TIGAR: variants seen among roughly 807,000 people sequenced by gnomAD.
TIGAR encodes the protein fructose-2,6-bisphosphatase TIGAR.
Under a neutral mutation model 17.9 loss-of-function variants are expected in TIGAR, and 7 were observed. The ratio of observed to expected loss-of-function variants is 0.39; its 90% confidence interval spans 0.22 to 0.73. TIGAR has a LOEUF of 0.73. Ranked by LOEUF, TIGAR falls within the 30% of genes least tolerant of loss-of-function variation. TIGAR has a pLI of 0.42. For synonymous variants in TIGAR, 94 were observed against 108.6 expected (o/e 0.87, Z 0.84); for missense variants, 258 against 327.4 (o/e 0.79, Z 1.64).
chr12:4,346,991 G>A lies in TIGAR; in HGVS notation c.193-2828G>A, dbSNP rs189940165. ...AACCACTGTGAAGAATTGTTTGGAGGGAGGTTCCTCAAAAAACTAAAAATA... is the reference window on the plus strand; with the variant it reads ...AACCACTGTGAAGAATTGTTTGGAGAGAGGTTCCTCAAAAAACTAAAAATA... On this transcript the variant is annotated intron_variant, in intron 3 of 5. Coordinates refer to ENST00000179259, the MANE Select transcript of TIGAR (RefSeq NM_020375.3). Among the ~76,000 whole-genome samples the A allele has an allele frequency of 6.7e-3, 1,025 of 152,208 alleles. 10 individuals carry two copies. The highest frequency in any genetic ancestry group is 0.024 in the African/African-American group (991 of 41,524).
intron 1 of TIGAR, chr12:4,324,835 C>A: frequency 3.7e-6 from 2 of 543,422 alleles, no homozygotes; most frequent in South Asian, 5.1e-5. Context: ...CAGAAAAGTT[C>A]ACTTCCATTT....
At position 4,324,646 on chromosome 12, in the gene TIGAR, G is replaced by A. The variant is rs1378726237; in HGVS notation, c.32+3343G>A. 5 of 1,357,260 alleles carry A rather than the reference G, an allele frequency of 3.7e-6. No individual in the cohort carries two copies. In the Admixed American group the frequency reaches 5.9e-5, roughly 16 times the overall value. 84.1% of individuals were successfully genotyped at this position (1,357,260 alleles called of 1,614,324 possible). On this transcript the variant is annotated intron_variant, in intron 1 of 5. Coordinates refer to ENST00000179259, the MANE Select transcript of TIGAR (RefSeq NM_020375.3). The stretch of plus-strand genomic sequence containing the variant: ...GGCCTTGCGCAGGCGCTTCAGCAGC[G>A]AGTTCTGTTTCCGCCGCAGGCCCGG...
At chr12:4,326,933 G>T (rs185107481) in intron 1 of TIGAR, among the ~76,000 whole-genome samples, 1 of 152,116 alleles carries the variant, frequency 6.6e-6, no homozygotes, top group Admixed American at 6.5e-5. Context: ...TTCAAAATGA[G>T]GGTGCTTCTT....
intron 1 of TIGAR, among the ~76,000 whole-genome samples, chr12:4,325,926 T>C (rs1380207071): frequency 2.6e-5 from 4 of 152,152 alleles, no homozygotes; most frequent in South Asian, 2.1e-4. Context: ...TGTTCCTCCT[T>C]TGTAGCACGC....
chr12:4,343,242 T>G (rs189086558), intron 3 of TIGAR, among the ~76,000 whole-genome samples: 23 of 152,276 alleles, frequency 1.5e-4, no homozygotes, highest in Admixed American at 1.4e-3. Flanking sequence ...AGCAAGTCCT[T>G]AGTGACCTAC....
chr12:4,346,205 T>C (rs1200310859), intron 3 of TIGAR, among the ~76,000 whole-genome samples: 1 of 152,206 alleles, frequency 6.6e-6, no homozygotes. Flanking sequence ...TGGCAATTCC[T>C]CAGGGATCTA....
chr12:4,349,417 A>G (rs1432852887), intron 3 of TIGAR, among the ~76,000 whole-genome samples: 1 of 151,552 alleles, frequency 6.6e-6, no homozygotes, highest in Non-Finnish European at 1.5e-5. Context: ...AATCATTTCT[A>G]GTTTTGTTTT....
At chr12:4,351,611 A>G (rs1864839021) in intron 5 of TIGAR, among the ~76,000 whole-genome samples, 1 of 152,228 alleles carries the variant, frequency 6.6e-6, no homozygotes, top group Admixed American at 6.5e-5. Flanking sequence ...ACTTCTAAAA[A>G]AGACCTTTGA....
At chr12:4,332,129 A>G (rs1423942813) in intron 2 of TIGAR, among the ~76,000 whole-genome samples, 6 of 151,992 alleles carry the variant, frequency 3.9e-5, no homozygotes, top group African/African-American at 9.7e-5. Flanking sequence ...GACATTGACA[A>G]TGGAACGTCA....
At position 4,353,324 on chromosome 12, in the gene TIGAR, T is replaced by C. The variant is rs1864857728; in HGVS notation, c.*633T>C. On this transcript the variant is annotated 3_prime_UTR_variant, in exon 6 of 6. Transcript: ENST00000179259. ...ATTTAAATACAGTAAAGAAAGAATC[T>C]TGGAGCAGAAGATAGAAGAACAGCC... The C allele has an allele frequency of 6.6e-6, 1 of 152,188 alleles. No individual in the cohort carries two copies. The highest frequency in any genetic ancestry group is 2.4e-5 in the African/African-American group (1 of 41,456). The allele number at this position is 152,188 out of a possible 1,614,324, so 9.4% of individuals were successfully genotyped here.
chr12:4,347,465 A>G (rs1317416378), intron 3 of TIGAR, among the ~76,000 whole-genome samples: 2 of 152,204 alleles, frequency 1.3e-5, no homozygotes, highest in African/African-American at 2.4e-5. Context: ...GAAAGAATGA[A>G]TAAGACCTAG....
chr12:4,350,649 C>T (rs1286213081), intron 4 of TIGAR, among the ~76,000 whole-genome samples: 5 of 151,880 alleles, frequency 3.3e-5, no homozygotes, highest in African/African-American at 7.3e-5. Context: ...TGGTGGCACG[C>T]GCCTGTAGTC....
intron 3 of TIGAR, among the ~76,000 whole-genome samples, chr12:4,338,743 C>T (rs982207202): frequency 1.3e-5 from 2 of 151,534 alleles, no homozygotes; most frequent in African/African-American, 2.4e-5. Context: ...TTTGGGAGGC[C>T]GAGATGGGAG....
chr12:4,349,173 C>CT (rs1864811453), intron 3 of TIGAR, among the ~76,000 whole-genome samples: 1 of 152,178 alleles, frequency 6.6e-6, no homozygotes, highest in African/African-American at 2.4e-5. Context: ...TATACAGTCT[C>CT]TGTTAACACC....
rs973782276 is a variant in TIGAR at position 4,352,721 on chromosome 12, T to C, written c.*30T>C. Reference sequence around the variant, plus strand: ...AAATCTGCATCAAAATCTAACCATTTTGAGCCTCTGAAGGGAGTGCCATTG... The same window carrying C: ...AAATCTGCATCAAAATCTAACCATTCTGAGCCTCTGAAGGGAGTGCCATTG... On this transcript the variant is annotated 3_prime_UTR_variant, in exon 6 of 6. Transcript: ENST00000179259. 3 of 1,579,228 alleles carry C rather than the reference T, an allele frequency of 1.9e-6. No homozygotes were observed. The highest frequency in any genetic ancestry group is 2.6e-6 in the Non-Finnish European group (3 of 1,167,978).
At chr12:4,328,723 C>T (rs572884089) in intron 1 of TIGAR, among the ~76,000 whole-genome samples, 2 of 151,844 alleles carry the variant, frequency 1.3e-5, no homozygotes, top group Non-Finnish European at 2.9e-5. Flanking sequence ...ACTACAGGCA[C>T]TCACCACCAT....
intron 1 of TIGAR, among the ~76,000 whole-genome samples, chr12:4,326,717 A>G: frequency 6.6e-6 from 1 of 152,234 alleles, no homozygotes; most frequent in Non-Finnish European, 1.5e-5. Flanking sequence ...TTATAAAATG[A>G]CATTTTGACA....
chr12:4,328,313 T>G (rs2120649763), intron 1 of TIGAR, among the ~76,000 whole-genome samples: 2 of 151,820 alleles, frequency 1.3e-5, no homozygotes, highest in East Asian at 3.9e-4. Flanking sequence ...TGCCTCAGCC[T>G]CCCGAATAGC....
At position 4,351,359 on chromosome 12, in the gene TIGAR, A is replaced by G; in HGVS notation, c.363A>G (p.Gly121=). Residue 121 remains glycine (G), a synonymous_variant, in exon 5 of 6, where the codon GGA becomes GGG. Transcript: ENST00000179259. ...REECPVFTPP[G]GETLDQVKMR... ...AGTGCCCTGTGTTTACACCGCCCGGAGGAGAGACGCTGGACCAGGTATGTG... is the reference window on the plus strand; with the variant it reads ...AGTGCCCTGTGTTTACACCGCCCGGGGGAGAGACGCTGGACCAGGTATGTG... 6.2e-7 allele frequency: 1 copy of G among 1,614,134 alleles called. No individual in the cohort carries two copies. Among genetic ancestry groups the G allele is most frequent in the South Asian group, 1.1e-5 (1 of 91,084 alleles).
Sources: allele counts gnomAD v4.1 joint callset (sites outside exome capture counted in the v4.1 genomes callset), GRCh38; gene constraint gnomAD v4.1.1; transcripts MANE v1.5; gene names NCBI Gene and HGNC (gene_info 2026-07-23, HGNC 2026-07-21).